Variants in OPRM1 observed in about 807,000 individuals in gnomAD.
The protein encoded by OPRM1 is opioid receptor mu 1.
OPRM1 carries 27 observed loss-of-function variants against 31.8 expected under a neutral mutation model. That is an observed-to-expected ratio of 0.85 (90% CI 0.63 to 1.17). The LOEUF is 1.17. Ranked by LOEUF, OPRM1 falls within the 50% of genes most tolerant of loss-of-function variation. The probability of loss-of-function intolerance (pLI) is 0.00; values close to 1 mark genes in which losing one functional copy is unlikely to be tolerated. For missense variants in OPRM1, 536 were observed against 511.1 expected (o/e 1.05, Z -0.47); for synonymous variants, 196 against 189.9 (o/e 1.03, Z -0.26).
intron 3 of OPRM1, among the ~76,000 whole-genome samples, chr6:154,175,691 AC>A (rs1332257991): frequency 6.6e-6 from 1 of 152,168 alleles, no homozygotes. Context: ...TAGCCTACCA[AC>A]CAAAAAAAAT....
intron 3 of OPRM1, chr6:154,094,349 T>C: frequency 3.5e-6 from 2 of 577,410 alleles, no homozygotes; most frequent in Non-Finnish European, 5.9e-6. Context: ...GAAAATTCTG[T>C]GCCCAAAATA....
chr6:154,210,145 G>A (rs545642970), intron 3 of OPRM1, among the ~76,000 whole-genome samples: 1 of 152,276 alleles, frequency 6.6e-6, no homozygotes, highest in African/African-American at 2.4e-5. Flanking sequence ...TATTTCACCA[G>A]GGAGAGTTCT....
intron 1 of OPRM1, among the ~76,000 whole-genome samples, chr6:154,077,471 CT>C (rs1355753683): frequency 6.6e-6 from 1 of 151,386 alleles, no homozygotes; most frequent in Non-Finnish European, 1.5e-5. Context: ...TGGCTCACGC[CT>C]GTAATCCCAG....
At chr6:154,171,763 G>A (rs1194115337) in intron 3 of OPRM1, among the ~76,000 whole-genome samples, 3 of 152,188 alleles carry the variant, frequency 2.0e-5, no homozygotes, top group African/African-American at 7.2e-5. Context: ...AAGAAGTTAA[G>A]TGGAAAGAAA....
chr6:154,095,717 C>G (rs776708147), intron 3 of OPRM1, among the ~76,000 whole-genome samples: 34 of 152,176 alleles, frequency 2.2e-4, no homozygotes, highest in Middle Eastern at 3.4e-3. Context: ...TTTGTGCATG[C>G]CTGGGCTCAG....
At chr6:154,159,337 A>G (rs571526404) in intron 3 of OPRM1, 16 of 162,724 alleles carry the variant, frequency 9.8e-5, no homozygotes, top group African/African-American at 3.6e-4. Context: ...TTTGTTCTGC[A>G]ACACCACGTT....
chr6:154,067,940 G>C (rs966354433), intron 1 of OPRM1, among the ~76,000 whole-genome samples: 1 of 151,820 alleles, frequency 6.6e-6, no homozygotes, highest in Non-Finnish European at 1.5e-5. Flanking sequence ...AATTATTTTT[G>C]CAATAATACT....
chr6:154,036,989 G>C (rs1328886742), upstream of OPRM1, among the ~76,000 whole-genome samples: 4 of 151,850 alleles, frequency 2.6e-5, no homozygotes, highest in African/African-American at 9.7e-5. Context: ...AGTAAATAAA[G>C]TATATTAAAA....
intron 1 of OPRM1, among the ~76,000 whole-genome samples, chr6:154,026,278 T>G (rs1390042999): frequency 6.6e-6 from 1 of 152,066 alleles, no homozygotes; most frequent in Non-Finnish European, 1.5e-5. Flanking sequence ...GCCTGTAAAG[T>G]TTCCACTGAA....
intron 3 of OPRM1, among the ~76,000 whole-genome samples, chr6:154,211,185 G>A (rs1286241130): frequency 6.6e-6 from 1 of 152,108 alleles, no homozygotes; most frequent in Non-Finnish European, 1.5e-5. Context: ...GGGAGGCCGA[G>A]GCAGGCGGAT....
chr6:154,080,169 A>T (rs1788772490), intron 1 of OPRM1, among the ~76,000 whole-genome samples: 1 of 152,222 alleles, frequency 6.6e-6, no homozygotes, highest in African/African-American at 2.4e-5. Context: ...ATCATTTCTT[A>T]TATGAGCTAT....
At chr6:154,180,402 ATATATATATATATT>A (rs1165552863) in intron 3 of OPRM1, among the ~76,000 whole-genome samples, 3 of 138,674 alleles carry the variant, frequency 2.2e-5, no homozygotes, top group Admixed American at 7.1e-5. Flanking sequence ...ATATATATAT[ATATATATATATATT>A]TTTTTTTTAA....
intron 3 of OPRM1, among the ~76,000 whole-genome samples, chr6:154,098,275 T>G (rs779371607): frequency 4.2e-4 from 36 of 86,196 alleles, no homozygotes; most frequent in Middle Eastern, 0.013. Flanking sequence ...AGTGGTGCAG[T>G]ATCTTCTTTT....
At chr6:154,108,270 G>T in intron 3 of OPRM1, 1 of 348,414 alleles carries the variant, frequency 2.9e-6, no homozygotes, top group African/African-American at 2.1e-5. Context: ...CCCCAGATGG[G>T]TTCCATCATC....
chr6:154,058,108 A>G (rs549198011), intron 1 of OPRM1, among the ~76,000 whole-genome samples: 86 of 152,348 alleles, frequency 5.6e-4, no homozygotes, highest in Middle Eastern at 6.8e-3. Flanking sequence ...TCATTTCCAC[A>G]GGAGTATTAT....
At chr6:154,172,878 T>C (rs547016846) in intron 3 of OPRM1, among the ~76,000 whole-genome samples, 2 of 152,354 alleles carry the variant, frequency 1.3e-5, no homozygotes, top group Admixed American at 1.3e-4. Flanking sequence ...CTGACCCTCA[T>C]GTAGCCTGAC....
chr6:154,077,534 C>T (rs924174568), intron 1 of OPRM1, among the ~76,000 whole-genome samples: 1 of 151,494 alleles, frequency 6.6e-6, no homozygotes, highest in African/African-American at 2.4e-5. Context: ...AGTTCAAGAC[C>T]AGCCTGGCCA....
At chr6:154,110,904 A>C (rs1184212034) in intron 3 of OPRM1, among the ~76,000 whole-genome samples, 1 of 142,556 alleles carries the variant, frequency 7.0e-6, no homozygotes, top group Non-Finnish European at 1.6e-5. Flanking sequence ...AAAAAAAAAA[A>C]AAAAAGAGAG....
intron 1 of OPRM1, among the ~76,000 whole-genome samples, chr6:154,063,770 G>A (rs1784836467): frequency 6.6e-6 from 1 of 151,812 alleles, no homozygotes; most frequent in Admixed American, 6.6e-5. Context: ...TTTTATAAAT[G>A]GTTTATTTCA....
Sources: allele counts gnomAD v4.1 joint callset (sites outside exome capture counted in the v4.1 genomes callset), GRCh38; gene constraint gnomAD v4.1.1; transcripts MANE v1.5; gene names NCBI Gene and HGNC (gene_info 2026-07-23, HGNC 2026-07-21).